The following FHL3 variants were observed in gnomAD, a reference collection of about 807,000 sequenced individuals.
FHL3 encodes four and a half LIM domains protein 3.
A neutral mutation model predicts 34.3 loss-of-function variants in FHL3; 21 were observed. The observed-to-expected ratio is 0.61, with a 90% CI of 0.43 to 0.88. The LOEUF is 0.88. FHL3 is among the 40% of genes least tolerant of loss of function. FHL3 has a pLI of 0.00. For missense variants in FHL3, 333 were observed against 373.7 expected (o/e 0.89, Z 0.90); for synonymous variants, 137 against 144.6 (o/e 0.95, Z 0.38).
intron 1 of FHL3, among the ~76,000 whole-genome samples, chr1:38,002,798 T>C (rs1646608910): frequency 6.7e-6 from 1 of 149,730 alleles, no homozygotes; most frequent in Non-Finnish European, 1.5e-5. Context: ...TTGTTTTGAG[T>C]TGGGGTCTCA....
At position 37,996,884 on chromosome 1, in the gene FHL3, C is replaced by T. The variant is rs949832726; in HGVS notation, c.*521G>A. On this transcript the variant is annotated 3_prime_UTR_variant, in exon 6 of 6. Transcript: ENST00000373016. ...AAATGAGAAGACACTCGGTGGCGAC[C>T]TGCTGGGCAGCACCCTGTACCCTAG... The T allele has an allele frequency of 6.5e-6, 1 of 153,154 alleles. No individual in the cohort carries two copies. The highest frequency in any genetic ancestry group is 1.5e-5 in the Non-Finnish European group (1 of 68,424). 9.5% of individuals were successfully genotyped at this position (153,154 alleles called of 1,614,324 possible).
In FHL3 at chr1:37,999,399, A is replaced by G. The variant is rs1184766046; in HGVS notation, c.14T>C (p.Phe5Ser). Residue 5 changes from phenylalanine to serine, a missense_variant, in exon 2 of 6, where the codon TTT becomes TCT. Coordinates refer to ENST00000373016, the MANE Select transcript of FHL3 (RefSeq NM_004468.5). The stretch of plus-strand genomic sequence containing the variant: ...GGACTCGTTGCATTTTGCACAGTCA[A>G]ATGACTCGCTCATGGTGGCAAGGGG... MSES[F>S]DCAKCNESLY... The G allele has an allele frequency of 6.2e-7, 1 of 1,614,206 alleles. No individual in the cohort carries two copies. The highest frequency in any genetic ancestry group is 1.1e-5 in the South Asian group (1 of 91,084).
Position 37,998,002 on chromosome 1 carries a change from A to G in FHL3, c.462T>C (p.Tyr154=). The change falls in exon 4 of 6, where the codon TAT becomes TAC. Residue 154 remains tyrosine, a synonymous_variant. Transcript: ENST00000373016. ...DKGAHYCVPC[Y]ENKFAPRCAR... ...CGCAGCGAGGAGCAAACTTGTTCTC[A>G]TAGCAGGGCACGCAGTAGTGAGCAC... is the stretch of plus-strand genomic sequence containing the variant. The G allele has an allele frequency of 6.2e-7, 1 of 1,614,116 alleles. No individual in the cohort carries two copies. The highest frequency in any genetic ancestry group is 8.5e-7 in the Non-Finnish European group (1 of 1,179,966).
chr1:37,998,178 T>C, intron 3 of FHL3, 46 bp from the exon 4 acceptor site: 2 of 1,578,830 alleles, frequency 1.3e-6, no homozygotes, highest in Non-Finnish European at 8.7e-7. Context: ...CCCATGCTCC[T>C]GAGGGCCACC....
chr1:38,002,949 G>C (rs1175843285), intron 1 of FHL3, among the ~76,000 whole-genome samples: 2 of 151,860 alleles, frequency 1.3e-5, no homozygotes, highest in African/African-American at 4.8e-5. Flanking sequence ...CCTGAGGTCA[G>C]GAGTTCAAGA....
chr1:37,999,145 G>A lies in FHL3; in HGVS notation c.160C>T (p.Leu54=). ...TGGAAATGGCGGTCTTCATAGAACA[G>A]CTCCTGTGGGGAACACAGCAGGGGC... is the stretch of plus-strand genomic sequence containing the variant. ...QQLIGHDSRE[L]FYEDRHFHEG... is the part of the protein sequence containing the mutation. Residue 54 remains leucine (L), a synonymous_variant, in exon 3 of 6, where the codon CTG becomes TTG. Transcript: ENST00000373016. The A allele has an allele frequency of 6.2e-7, 1 of 1,614,194 alleles. No individual in the cohort carries two copies. The highest frequency in any genetic ancestry group is 1.1e-5 in the South Asian group (1 of 91,090).
chr1:37,998,911 G>A, intron 3 of FHL3, 63 bp downstream of exon 3: 1 of 1,535,486 alleles, frequency 6.5e-7, no homozygotes. Flanking sequence ...GTATCAGACA[G>A]ACACATGCAA....
At chr1:37,999,768 C>A (rs964430216) in intron 1 of FHL3, among the ~76,000 whole-genome samples, 1 of 152,218 alleles carries the variant, frequency 6.6e-6, no homozygotes, top group Non-Finnish European at 1.5e-5. Flanking sequence ...ACTGTCCCGA[C>A]TGTCCCCAGC....
At chr1:38,000,576 C>A (rs1454202226) in intron 1 of FHL3, among the ~76,000 whole-genome samples, 1 of 152,144 alleles carries the variant, frequency 6.6e-6, no homozygotes, top group African/African-American at 2.4e-5. Flanking sequence ...AGACACCCAG[C>A]CCCCGACCAA....
chr1:38,001,918 T>C (rs1212458727), intron 1 of FHL3, among the ~76,000 whole-genome samples: 1 of 152,230 alleles, frequency 6.6e-6, no homozygotes, highest in Non-Finnish European at 1.5e-5. Context: ...AATGAGATAC[T>C]ACCACTTCCT....
At chr1:37,999,804 A>G (rs1646575188) in intron 1 of FHL3, among the ~76,000 whole-genome samples, 1 of 152,010 alleles carries the variant, frequency 6.6e-6, no homozygotes, top group Non-Finnish European at 1.5e-5. Flanking sequence ...GCAGGGAGCC[A>G]CCCCACTCTA....
chr1:38,002,236 C>T (rs1646603105), intron 1 of FHL3, among the ~76,000 whole-genome samples: 1 of 151,226 alleles, frequency 6.6e-6, no homozygotes. Flanking sequence ...GTAGCTGGGA[C>T]TACAGGCACC....
intron 1 of FHL3, among the ~76,000 whole-genome samples, chr1:38,002,513 C>T (rs958396011): frequency 2.7e-5 from 4 of 150,064 alleles, no homozygotes; most frequent in African/African-American, 9.8e-5. Flanking sequence ...GGATTACAGG[C>T]ATGAGCCACA....
chr1:37,998,963 T>G lies in FHL3; in HGVS notation c.331+11A>C. 6.2e-7 allele frequency: 1 copy of G among 1,612,900 alleles called. No homozygotes were observed. Among genetic ancestry groups the G allele is most frequent in the Non-Finnish European group, 8.5e-7 (1 of 1,178,952 alleles). ...CCAGTTCTCACACAAGATGAGCCCC[T>G]GAACACATACCAGGCATGACAGTCT... On this transcript the variant is annotated intron_variant, in intron 3 of 5. Transcript: ENST00000373016.
At chr1:38,004,309 T>C (rs892788337) in intron 1 of FHL3, among the ~76,000 whole-genome samples, 1 of 152,144 alleles carries the variant, frequency 6.6e-6, no homozygotes, top group Non-Finnish European at 1.5e-5. Flanking sequence ...TGGCTGTGTG[T>C]GTGCGTGGGG....
chr1:37,998,510 G>A (rs1646559199), intron 3 of FHL3, among the ~76,000 whole-genome samples: 1 of 152,084 alleles, frequency 6.6e-6, no homozygotes, highest in African/African-American at 2.4e-5. Flanking sequence ...GTAAGTATCT[G>A]CCCACACAAA....
Position 37,999,372 on chromosome 1 carries a change from A to G in FHL3, c.41T>C (p.Leu14Pro). 1 of 1,614,248 alleles carries G rather than the reference A, an allele frequency of 6.2e-7. No homozygotes were observed. The highest frequency in any genetic ancestry group is 8.5e-7 in the Non-Finnish European group (1 of 1,180,034). ...SFDCAKCNES[L>P]YGRKYIQTDS... ...TGTCTGGATGTACTTGCGTCCATAC[A>G]GGGACTCGTTGCATTTTGCACAGTC... Residue 14 changes from leucine (L) to proline (P), a missense_variant, in exon 2 of 6, where the codon CTG (leucine) becomes CCG (proline). Transcript: ENST00000373016.
At position 37,998,091 on chromosome 1, in the gene FHL3, G is replaced by A. The variant is rs1280289917; in HGVS notation, c.373C>T (p.His125Tyr). Reference sequence around the variant, plus strand: ...TCACAGCCACTGCACAGGAAGCAGTGCTCATGCCATGTCTGGCCTCCATAT... The same window carrying A: ...TCACAGCCACTGCACAGGAAGCAGTACTCATGCCATGTCTGGCCTCCATAT... ...LEYGGQTWHE[H>Y]CFLCSGCEQP... The change falls in exon 4 of 6, where the codon CAC (histidine) becomes TAC (tyrosine). Residue 125 changes from histidine to tyrosine, a missense_variant. Transcript: ENST00000373016. 1 of 1,614,070 alleles carries A rather than the reference G, an allele frequency of 6.2e-7. No homozygotes were observed. The highest frequency in any genetic ancestry group is 1.3e-5 in the African/African-American group (1 of 75,036).
chr1:37,997,555 G>A lies in FHL3; in HGVS notation c.693C>T (p.Leu231=), dbSNP rs762237978. 5.0e-6 allele frequency: 8 copies of A among 1,613,664 alleles called. No individual in the cohort carries two copies. The highest frequency in any genetic ancestry group is 1.1e-5 in the South Asian group (1 of 91,064). The change falls in exon 6 of 6, where the codon CTC becomes CTT. Residue 231 remains leucine, a synonymous_variant. Coordinates refer to ENST00000373016, the MANE Select transcript of FHL3 (RefSeq NM_004468.5). This position sits in a 1 kb window ranked among gnomAD's most constrained non-coding sequence, Gnocchi z 4.3. ...CAAAGGACACATACTTGCCTCCACC[G>A]AGTCCTGGAGGGAGGCTGGAAGTTA... ...CSSCKRPIVG[L]GGGKYVSFED...
Sources: gnomAD v4.1 joint callset for allele counts (sites outside exome capture counted in the v4.1 genomes callset) on GRCh38, gnomAD v4.1.1 for gene constraint, Gnocchi (gnomAD v3.1) non-coding constraint, MANE v1.5 for transcripts, NCBI Gene and HGNC (gene_info 2026-07-23, HGNC 2026-07-21) for gene names.